Variants in ZBTB20 observed in about 807,000 individuals in gnomAD.
The protein encoded by ZBTB20 is zinc finger and BTB domain containing 20.
Under a neutral mutation model 56.9 loss-of-function variants are expected in ZBTB20, and 9 were observed. The ratio of observed to expected loss-of-function variants is 0.16; its 90% CI spans 0.10 to 0.28. ZBTB20 has a LOEUF of 0.28. Among genes scored for constraint, ZBTB20 ranks in the 10% least tolerant of loss-of-function variants. The pLI is 1.00. For missense variants in ZBTB20, 655 were observed against 1,003.0 expected (o/e 0.65, Z 4.69); for synonymous variants, 417 against 420.7 (o/e 0.99, Z 0.11).
At chr3:115,013,257 A>T (rs1011716343) in intron 2 of ZBTB20, among the ~76,000 whole-genome samples, 29 of 151,844 alleles carry the variant, frequency 1.9e-4, no homozygotes, top group African/African-American at 7.0e-4. Flanking sequence ...AATACAAAAG[A>T]TCGCTAAACA....
intron 7 of ZBTB20, among the ~76,000 whole-genome samples, chr3:114,452,019 G>GC (rs1401981954): frequency 6.0e-5 from 9 of 150,784 alleles, no homozygotes; most frequent in Non-Finnish European, 1.2e-4. Context: ...CAGTCCCTCT[G>GC]CCCCTTTCAA....
At chr3:114,963,696 T>C (rs565704534) in intron 3 of ZBTB20, among the ~76,000 whole-genome samples, 2 of 152,180 alleles carry the variant, frequency 1.3e-5, no homozygotes, top group Admixed American at 1.3e-4. Flanking sequence ...TATTAATCTT[T>C]CAATGTTTTC....
chr3:114,964,473 A>G (rs1576440142), intron 3 of ZBTB20, among the ~76,000 whole-genome samples: 1 of 152,158 alleles, frequency 6.6e-6, no homozygotes, highest in Non-Finnish European at 1.5e-5. Context: ...GGTAAATCAT[A>G]CTCATGCATT....
intron 7 of ZBTB20, among the ~76,000 whole-genome samples, chr3:114,481,598 C>A (rs181699561): frequency 6.6e-6 from 1 of 152,176 alleles, no homozygotes; most frequent in Non-Finnish European, 1.5e-5. Context: ...AGTATTGGAA[C>A]GACTCTATGC....
intron 5 of ZBTB20, among the ~76,000 whole-genome samples, chr3:114,731,856 A>C (rs1340761475): frequency 1.3e-5 from 2 of 152,092 alleles, no homozygotes; most frequent in African/African-American, 2.4e-5. Flanking sequence ...TGCCTAGTTT[A>C]GTAACTAATC....
chr3:114,909,913 T>G (rs1279859647), intron 3 of ZBTB20, among the ~76,000 whole-genome samples: 5 of 151,696 alleles, frequency 3.3e-5, no homozygotes, highest in African/African-American at 1.2e-4. Flanking sequence ...CCAAAAAATG[T>G]AAAAGCTGAA....
chr3:114,686,211 G>T (rs937175208), intron 6 of ZBTB20, among the ~76,000 whole-genome samples: 1 of 152,104 alleles, frequency 6.6e-6, no homozygotes, highest in African/African-American at 2.4e-5. Context: ...AATAAGATAG[G>T]GTAGGGTAAC....
chr3:114,393,103 C>T (rs1055980611), intron 7 of ZBTB20, among the ~76,000 whole-genome samples: 13 of 152,316 alleles, frequency 8.5e-5, no homozygotes, highest in African/African-American at 2.6e-4. Context: ...AGCCATGCTA[C>T]GCATTGAGAC....
At chr3:114,486,620 C>T (rs2042179460) in intron 7 of ZBTB20, among the ~76,000 whole-genome samples, 1 of 152,070 alleles carries the variant, frequency 6.6e-6, no homozygotes, top group Admixed American at 6.5e-5. Flanking sequence ...TCTTATGTGT[C>T]CTTGAGTAGC....
chr3:115,043,145 T>C (rs1006603331), intron 2 of ZBTB20, among the ~76,000 whole-genome samples: 14 of 152,368 alleles, frequency 9.2e-5, no homozygotes, highest in Admixed American at 6.5e-5. Context: ...AAATGTCATG[T>C]TGATAATGCT....
chr3:114,871,802 T>A (rs2076021736), intron 4 of ZBTB20, among the ~76,000 whole-genome samples: 1 of 152,144 alleles, frequency 6.6e-6, no homozygotes, highest in Non-Finnish European at 1.5e-5. Context: ...GATCATCTTA[T>A]TGCAACACCA....
rs760379885 is a variant in ZBTB20 at position 114,339,132 on chromosome 3, C to T, written c.2099G>A (p.Arg700His). 16 of 1,612,256 alleles carry T rather than the reference C, an allele frequency of 9.9e-6. No individual in the cohort carries two copies. In the Admixed American group the frequency reaches 1.0e-4, roughly 10 times the overall value. Residue 700 changes from arginine (R) to histidine (H), a missense_variant, in exon 12 of 12, where the codon CGC becomes CAC. Physicochemically the swap from Arg to His is conservative, Grantham distance 29. Coordinates refer to ENST00000675478, the MANE Select transcript of ZBTB20 (RefSeq NM_001348800.3). This position sits in a 1 kb window ranked among gnomAD's most constrained non-coding sequence, Gnocchi z 4.2. ...GGCCACCACGCCTGGGGGGCCAGCG[C>T]GGGCACCTGGGGGTGTGCCTGCAGG... is the stretch of plus-strand genomic sequence containing the variant. ...TPPAGTPPGA[R>H]AGPPGVVACT...
chr3:114,972,118 C>A (rs1008431454), intron 3 of ZBTB20, among the ~76,000 whole-genome samples: 12 of 152,278 alleles, frequency 7.9e-5, no homozygotes, highest in South Asian at 2.1e-4. Flanking sequence ...AAAATACCTA[C>A]TTAGAAATTC....
At chr3:115,113,242 G>C (rs1164740003) in intron 1 of ZBTB20, among the ~76,000 whole-genome samples, 1 of 152,034 alleles carries the variant, frequency 6.6e-6, no homozygotes, top group Non-Finnish European at 1.5e-5. Flanking sequence ...GTGTTTAAAA[G>C]GTTTAATTTT....
intron 7 of ZBTB20, among the ~76,000 whole-genome samples, chr3:114,450,645 C>T (rs1559804658): frequency 6.6e-6 from 1 of 152,008 alleles, no homozygotes; most frequent in Non-Finnish European, 1.5e-5. Context: ...TGTAACTATA[C>T]AAAAATTATA....
chr3:114,433,861 GA>G (rs2090313576), intron 7 of ZBTB20, among the ~76,000 whole-genome samples: 1 of 152,192 alleles, frequency 6.6e-6, no homozygotes, highest in Middle Eastern at 3.2e-3. Flanking sequence ...TCAATGCACA[GA>G]AAGGAAGGAT....
intron 1 of ZBTB20, among the ~76,000 whole-genome samples, chr3:115,112,683 T>C (rs1429544671): frequency 6.6e-6 from 1 of 152,144 alleles, no homozygotes; most frequent in Non-Finnish European, 1.5e-5. Flanking sequence ...TATGCCACAT[T>C]TTTTTATCCA....
At chr3:114,398,739 T>A (rs1576589759) in intron 7 of ZBTB20, among the ~76,000 whole-genome samples, 2 of 152,148 alleles carry the variant, frequency 1.3e-5, no homozygotes, top group Admixed American at 1.3e-4. Flanking sequence ...AAAGGATATT[T>A]TCCTACTTAA....
intron 1 of ZBTB20, among the ~76,000 whole-genome samples, chr3:115,138,590 C>T (rs1483011180): frequency 6.6e-6 from 1 of 152,034 alleles, no homozygotes; most frequent in Non-Finnish European, 1.5e-5. Context: ...CAGAGCTGTA[C>T]TTGAGTTTAA....
Sources: allele counts gnomAD v4.1 joint callset (sites outside exome capture counted in the v4.1 genomes callset), GRCh38; gene constraint gnomAD v4.1.1; non-coding constraint Gnocchi (gnomAD v3.1); transcripts MANE v1.5; gene names NCBI Gene and HGNC (gene_info 2026-07-23, HGNC 2026-07-21).